Variants in MCC observed in about 807,000 individuals in gnomAD.
MCC encodes the protein colorectal mutant cancer protein.
A neutral mutation model predicts 116.2 loss-of-function variants in MCC; 90 were observed. The ratio of observed to expected loss-of-function variants is 0.77; its 90% CI spans 0.65 to 0.92. The LOEUF (loss-of-function observed/expected upper bound fraction) is 0.92. Ranked by LOEUF, MCC falls within the 40% of genes least tolerant of loss-of-function variation. The pLI, the probability that MCC is intolerant of heterozygous loss-of-function variation, is 0.00. For synonymous variants in MCC, 578 were observed against 510.5 expected, an observed-to-expected ratio of 1.13 and a Z score of -1.78; for missense variants, 1,516 against 1,312.2, an observed-to-expected ratio of 1.16 and a Z score of -2.40.
chr5:113,465,381 C>G (rs1771873510), intron 1 of MCC, among the ~76,000 whole-genome samples: 2 of 151,944 alleles, frequency 1.3e-5, no homozygotes, highest in Non-Finnish European at 1.5e-5. Flanking sequence ...CACAAAAATT[C>G]CTGAGGCATT....
chr5:113,072,269 C>A (rs1449483142), intron 11 of MCC, among the ~76,000 whole-genome samples: 3 of 152,230 alleles, frequency 2.0e-5, no homozygotes, highest in African/African-American at 7.2e-5. Context: ...TATGGAGACA[C>A]TTGCCAACAT....
At chr5:113,224,408 G>C (rs570130170) in intron 3 of MCC, among the ~76,000 whole-genome samples, 3 of 152,160 alleles carry the variant, frequency 2.0e-5, no homozygotes, top group Non-Finnish European at 4.4e-5. Context: ...TTGTTATATA[G>C]TTTTTATAGT....
chr5:113,067,926 T>C (rs753860439), intron 13 of MCC, among the ~76,000 whole-genome samples, 154 bp downstream of exon 13: 1 of 152,208 alleles, frequency 6.6e-6, no homozygotes, highest in Non-Finnish European at 1.5e-5. Flanking sequence ...ACATAAACAA[T>C]TTACCCATTC....
At chr5:113,471,542 AGAG>A (rs1580419656) in intron 1 of MCC, among the ~76,000 whole-genome samples, 1 of 152,170 alleles carries the variant, frequency 6.6e-6, no homozygotes, top group East Asian at 1.9e-4. Flanking sequence ...GTTTTGTCTC[AGAG>A]GAGTACCTGG....
At chr5:113,064,733 G>A (rs553326093) in intron 13 of MCC, among the ~76,000 whole-genome samples, 68 of 152,242 alleles carry the variant, frequency 4.5e-4, no homozygotes, top group African/African-American at 1.6e-3. Flanking sequence ...CTTGGTAATC[G>A]GCGTGAACTC....
chr5:113,154,074 C>T (rs1435548437), intron 3 of MCC, among the ~76,000 whole-genome samples: 1 of 152,162 alleles, frequency 6.6e-6, no homozygotes, highest in Non-Finnish European at 1.5e-5. Context: ...AAAGAGCATT[C>T]TCATGTTTTA....
At chr5:113,383,813 C>A (rs936287808) in intron 2 of MCC, among the ~76,000 whole-genome samples, 11 of 152,090 alleles carry the variant, frequency 7.2e-5, no homozygotes, top group Non-Finnish European at 1.3e-4. Context: ...TGTATGTGGA[C>A]ATTTTTATTG....
intron 1 of MCC, among the ~76,000 whole-genome samples, chr5:113,392,077 T>C (rs1201060506): frequency 1.3e-5 from 2 of 151,854 alleles, no homozygotes; most frequent in Non-Finnish European, 2.9e-5. Context: ...AGTAGAAAAA[T>C]GGGTAAGGCT....
At chr5:113,071,035 G>C in intron 12 of MCC, 59 bp downstream of exon 12, 1 of 1,560,716 alleles carries the variant, frequency 6.4e-7, no homozygotes, top group South Asian at 1.2e-5. Flanking sequence ...TTATTCTGAA[G>C]GTTACTCTGG....
chr5:113,361,240 A>G (rs1405141757), intron 2 of MCC, among the ~76,000 whole-genome samples: 1 of 135,754 alleles, frequency 7.4e-6, no homozygotes, highest in African/African-American at 3.0e-5. Flanking sequence ...CCAGGAAGTT[A>G]TCAATTTCAT....
At chr5:113,315,514 T>C (rs1351582627) in intron 3 of MCC, among the ~76,000 whole-genome samples, 4 of 152,066 alleles carry the variant, frequency 2.6e-5, no homozygotes, top group Non-Finnish European at 4.4e-5. Context: ...TTGAATTATG[T>C]TAAGTAATTT....
At chr5:113,056,185 T>C (rs1420781500) in intron 14 of MCC, among the ~76,000 whole-genome samples, 1 of 152,202 alleles carries the variant, frequency 6.6e-6, no homozygotes, top group Non-Finnish European at 1.5e-5. Flanking sequence ...GACCCAAGCG[T>C]CTTACATACT....
intron 3 of MCC, among the ~76,000 whole-genome samples, chr5:113,171,695 G>A (rs900677369): frequency 6.6e-6 from 1 of 152,100 alleles, no homozygotes; most frequent in Non-Finnish European, 1.5e-5. Flanking sequence ...CATCTAATTG[G>A]TGGCTCTGTG....
chr5:113,262,197 C>G (rs1459830667), intron 3 of MCC, among the ~76,000 whole-genome samples: 1 of 152,100 alleles, frequency 6.6e-6, no homozygotes, highest in Admixed American at 6.6e-5. Context: ...TCAGGCTCCT[C>G]TCTTTAGCAC....
intron 1 of MCC, among the ~76,000 whole-genome samples, chr5:113,484,597 C>T (rs1315438574): frequency 6.6e-6 from 1 of 152,146 alleles, no homozygotes; most frequent in African/African-American, 2.4e-5. Flanking sequence ...GCAATCAGTA[C>T]TATGATGGAC....
intron 1 of MCC, among the ~76,000 whole-genome samples, chr5:113,470,194 A>G (rs955153661): frequency 1.0e-3 from 156 of 151,828 alleles, no homozygotes; most frequent in African/African-American, 3.6e-3. Flanking sequence ...TAAAGTTAAT[A>G]TTGTTATGTG....
At chr5:113,444,024 TA>T in intron 1 of MCC, among the ~76,000 whole-genome samples, 1 of 151,644 alleles carries the variant, frequency 6.6e-6, no homozygotes, top group Non-Finnish European at 1.5e-5. Flanking sequence ...TGTGTGTGTT[TA>T]GTAGAGATGG....
chr5:113,248,266 AAAAG>A (rs1238225005), intron 3 of MCC, among the ~76,000 whole-genome samples: 2 of 151,872 alleles, frequency 1.3e-5, no homozygotes, highest in Non-Finnish European at 2.9e-5. Context: ...GATCACACAT[AAAAG>A]AAAGGCAGGA....
chr5:113,292,347 C>A (rs1265475177), intron 3 of MCC, among the ~76,000 whole-genome samples: 5 of 151,998 alleles, frequency 3.3e-5, no homozygotes, highest in Non-Finnish European at 5.9e-5. Context: ...ATCATGGTAC[C>A]TAAAACTGGC....
Sources: allele counts gnomAD v4.1 joint callset (sites outside exome capture counted in the v4.1 genomes callset), GRCh38; gene constraint gnomAD v4.1.1; transcripts MANE v1.5; gene names NCBI Gene and HGNC (gene_info 2026-07-23, HGNC 2026-07-21).